The following TBL1XR1 variants were observed in gnomAD, a reference collection of about 807,000 sequenced individuals.
The protein encoded by TBL1XR1 is TBL1X/Y related 1.
A neutral mutation model predicts 66.9 loss-of-function variants in TBL1XR1; 5 were observed. The ratio of observed to expected loss-of-function variants is 0.07; its 90% CI spans 0.04 to 0.16. The LOEUF is 0.16. Among genes scored for constraint, TBL1XR1 ranks in the 10% least tolerant of loss-of-function variants. The pLI is 1.00. For missense variants in TBL1XR1, 238 were observed against 623.2 expected (o/e 0.38, Z 6.58); for synonymous variants, 210 against 206.0 (o/e 1.02, Z -0.17).
intron 1 of TBL1XR1, among the ~76,000 whole-genome samples, chr3:177,168,102 T>A (rs960501324): frequency 2.6e-5 from 4 of 152,242 alleles, no homozygotes; most frequent in Middle Eastern, 3.4e-3. Context: ...GATAAATATA[T>A]AAACAATATA....
intron 1 of TBL1XR1, among the ~76,000 whole-genome samples, chr3:177,136,494 G>C (rs1729014703): frequency 6.6e-6 from 1 of 152,136 alleles, no homozygotes; most frequent in Admixed American, 6.5e-5. Context: ...TGGCCAGACT[G>C]GTCTTGAACT....
intron 1 of TBL1XR1, among the ~76,000 whole-genome samples, chr3:177,106,602 C>T (rs758935812): frequency 1.3e-5 from 2 of 152,166 alleles, no homozygotes; most frequent in East Asian, 3.8e-4. Context: ...TCAGTGCCTT[C>T]GCTTTTTCAT....
chr3:177,025,412 T>C lies in TBL1XR1; in HGVS notation c.*86A>G, dbSNP rs371995470. 2.4e-5 allele frequency: 34 copies of C among 1,416,490 alleles called. 1 individual carries two copies. The highest frequency in any genetic ancestry group is 2.5e-4 in the Middle Eastern group (1 of 4,044). The allele number at this position is 1,416,490 out of a possible 1,614,324, so 87.7% of individuals were successfully genotyped here. A position where few individuals can be genotyped will look rare whatever the true frequency, so the allele number is the denominator to read the frequency against. On this transcript the variant is annotated 3_prime_UTR_variant, in exon 16 of 16. Transcript: ENST00000457928. ...TGTAGTGGACTGGCCATGGTTCAAG[T>C]GGGACTATAGCAGTACATGGGTCAG...
chr3:177,135,158 C>G (rs988434043), intron 1 of TBL1XR1, among the ~76,000 whole-genome samples: 1 of 150,838 alleles, frequency 6.6e-6, no homozygotes, highest in Non-Finnish European at 1.5e-5. Context: ...CACACCACCA[C>G]GTCCGACTAA....
intron 1 of TBL1XR1, among the ~76,000 whole-genome samples, chr3:177,112,107 A>ATATATATATATATATATT: frequency 5.3e-5 from 2 of 37,650 alleles, no homozygotes; most frequent in Admixed American, 4.0e-4. Context: ...ATATATATAT[A>ATATATATATATATATATT]TTTTTTTTTT....
chr3:177,118,614 T>C (rs1450669105), intron 1 of TBL1XR1, among the ~76,000 whole-genome samples: 1 of 152,244 alleles, frequency 6.6e-6, no homozygotes, highest in Non-Finnish European at 1.5e-5. Flanking sequence ...TAGTTGCATG[T>C]AATGCTGTCA....
At chr3:177,189,729 C>T (rs1327318130) in intron 1 of TBL1XR1, among the ~76,000 whole-genome samples, 1 of 150,586 alleles carries the variant, frequency 6.6e-6, no homozygotes, top group African/African-American at 2.5e-5. Context: ...GGAACTAATA[C>T]AGCACAGTCT....
chr3:177,093,008 A>G (rs1723023576), intron 2 of TBL1XR1, among the ~76,000 whole-genome samples: 1 of 152,188 alleles, frequency 6.6e-6, no homozygotes, highest in Non-Finnish European at 1.5e-5. Context: ...CCAAATCGGT[A>G]AAGAGGAAGG....
At chr3:177,042,489 A>G (rs887740767) in intron 10 of TBL1XR1, among the ~76,000 whole-genome samples, 2 of 152,228 alleles carry the variant, frequency 1.3e-5, no homozygotes, top group African/African-American at 4.8e-5. Flanking sequence ...GATGTAGGAA[A>G]TGTTGCAACG....
chr3:177,089,083 T>C (rs1577129248), intron 2 of TBL1XR1, among the ~76,000 whole-genome samples: 2 of 152,328 alleles, frequency 1.3e-5, no homozygotes, highest in African/African-American at 4.8e-5. Flanking sequence ...GTCTGGCAAG[T>C]CATAACTTCT....
At position 177,135,307 on chromosome 3, in the gene TBL1XR1, CTG is replaced by C. The variant is rs376418228; in HGVS notation, c.-121-36768_-121-36767del. Among the ~76,000 whole-genome samples, 532 of 72,580 alleles carry C rather than the reference CTG, an allele frequency of 7.3e-3. 33 individuals are homozygous for C. Among genetic ancestry groups the C allele is most frequent in the African/African-American group, 0.019 (370 of 19,182 alleles). The allele number at this position is 72,580 out of a possible 152,430, so 47.6% of individuals were successfully genotyped here. A position where few individuals can be genotyped will look rare whatever the true frequency, so the allele number is the denominator to read the frequency against. ...GTGAGCCACCGCACAAGGCCGCACTCTGTGTGTGTGTGTGTGTGTGTGTGTGT... is the reference window on the plus strand; with the variant it reads ...GTGAGCCACCGCACAAGGCCGCACTCTGTGTGTGTGTGTGTGTGTGTGTGT... On this transcript the variant is annotated intron_variant, in intron 1 of 15. Coordinates refer to ENST00000457928, the MANE Select transcript of TBL1XR1 (RefSeq NM_024665.7).
chr3:177,111,907 T>C (rs1017805209), intron 1 of TBL1XR1, among the ~76,000 whole-genome samples: 2 of 151,204 alleles, frequency 1.3e-5, no homozygotes, highest in Non-Finnish European at 2.9e-5. Context: ...GTCTTAGGCC[T>C]ACAACTTAAG....
At chr3:177,027,476 T>C (rs1364612733) in intron 14 of TBL1XR1, 1 of 152,160 alleles carries the variant, frequency 6.6e-6, no homozygotes, top group Non-Finnish European at 1.5e-5. Flanking sequence ...ATGAAACCAG[T>C]CAATATAACA....
chr3:177,112,398 G>T (rs1179114847), intron 1 of TBL1XR1, among the ~76,000 whole-genome samples: 1 of 151,788 alleles, frequency 6.6e-6, no homozygotes, highest in Non-Finnish European at 1.5e-5. Flanking sequence ...ACGAGCCACG[G>T]CCCCCGGCCT....
At chr3:177,151,446 C>G (rs1358263001) in intron 1 of TBL1XR1, among the ~76,000 whole-genome samples, 1 of 152,188 alleles carries the variant, frequency 6.6e-6, no homozygotes, top group Non-Finnish European at 1.5e-5. Context: ...GCATTAGATT[C>G]TCACAGGAGC....
chr3:177,125,639 G>A (rs997102449), intron 1 of TBL1XR1, among the ~76,000 whole-genome samples: 15 of 151,854 alleles, frequency 9.9e-5, no homozygotes, highest in African/African-American at 2.9e-4. Context: ...TATAACCAAC[G>A]ACTACAATAA....
At chr3:177,128,882 C>A (rs556340731) in intron 1 of TBL1XR1, among the ~76,000 whole-genome samples, 1 of 152,136 alleles carries the variant, frequency 6.6e-6, no homozygotes, top group Non-Finnish European at 1.5e-5. Context: ...TCTTTTTCAT[C>A]ACAGCCACTT....
intron 15 of TBL1XR1, 34 bp downstream of exon 15, chr3:177,026,339 C>G: frequency 6.5e-7 from 1 of 1,547,178 alleles, no homozygotes; most frequent in Non-Finnish European, 8.9e-7. Context: ...AATACCCACC[C>G]ACACCCTCTT....
intron 1 of TBL1XR1, among the ~76,000 whole-genome samples, chr3:177,132,558 T>C (rs748574593): frequency 6.6e-6 from 1 of 152,050 alleles, no homozygotes; most frequent in Non-Finnish European, 1.5e-5. Context: ...GAAAGAAAGG[T>C]TAACAGATTG....
Sources: gnomAD v4.1 joint callset for allele counts (sites outside exome capture counted in the v4.1 genomes callset) on GRCh38, gnomAD v4.1.1 for gene constraint, MANE v1.5 for transcripts, NCBI Gene and HGNC (gene_info 2026-07-23, HGNC 2026-07-21) for gene names.